The following ATP6V1B1 variants were observed in gnomAD, a reference collection of about 807,000 sequenced individuals.
ATP6V1B1 encodes ATPase H+ transporting V1 subunit B1, also known as V-type proton ATPase subunit B, kidney isoform.
A neutral mutation model predicts 62.1 loss-of-function variants in ATP6V1B1; 41 were observed. The ratio of observed to expected loss-of-function variants is 0.66; its 90% CI spans 0.51 to 0.86. The LOEUF is 0.86. Among genes scored for constraint, ATP6V1B1 ranks in the 40% least tolerant of loss-of-function variants. The pLI, the probability that ATP6V1B1 is intolerant of heterozygous loss-of-function variation, is 0.00. For synonymous variants in ATP6V1B1, 253 were observed against 273.4 expected (o/e 0.93, Z 0.74); for missense variants, 651 against 697.5 (o/e 0.93, Z 0.75).
intron 1 of ATP6V1B1, among the ~76,000 whole-genome samples, chr2:70,936,361 C>T (rs908663164): frequency 1.3e-5 from 2 of 152,154 alleles, no homozygotes; most frequent in Non-Finnish European, 2.9e-5. Context: ...CCAGAGATAG[C>T]TTCCAGTTGC....
In ATP6V1B1 at chr2:70,935,949, T is replaced by C; in HGVS notation, c.-6T>C. 1.2e-6 allele frequency: 2 copies of C among 1,610,118 alleles called. No individual in the cohort carries two copies. Among genetic ancestry groups the C allele is most frequent in the Non-Finnish European group, 1.7e-6 (2 of 1,177,146 alleles). Reference sequence around the variant, plus strand: ...AGACACTGGGCTCCCAGCTGGGGACTGCTCCATGGCCATGGAGATAGACAG... The same window carrying C: ...AGACACTGGGCTCCCAGCTGGGGACCGCTCCATGGCCATGGAGATAGACAG... On this transcript the variant is annotated 5_prime_UTR_variant, in exon 1 of 14. Transcript: ENST00000234396.
chr2:70,962,387 G>C (rs530487514), intron 8 of ATP6V1B1, among the ~76,000 whole-genome samples: 3 of 152,268 alleles, frequency 2.0e-5, no homozygotes, highest in African/African-American at 7.2e-5. Context: ...GGGTGCCCTA[G>C]GATAAGACAG....
chr2:70,942,298 C>T, intron 1 of ATP6V1B1: 1 of 398,928 alleles, frequency 2.5e-6, no homozygotes, highest in East Asian at 3.6e-5. Context: ...CCTGCTCTGG[C>T]AAAGTGCAAG....
At chr2:70,964,303 TAA>T (rs1680661956) in intron 11 of ATP6V1B1, 133 bp from the exon 12 acceptor site, 10 of 853,692 alleles carry the variant, frequency 1.2e-5, no homozygotes. Flanking sequence ...TTGTGGGAGA[TAA>T]GAGAGGGTGG....
intron 2 of ATP6V1B1, among the ~76,000 whole-genome samples, chr2:70,945,699 G>GATAC (rs1450719874): frequency 1.4e-5 from 1 of 70,100 alleles, no homozygotes; most frequent in Non-Finnish European, 2.8e-5. Context: ...GCTATTTGAA[G>GATAC]AGATATATAT....
intron 2 of ATP6V1B1, 137 bp downstream of exon 2, chr2:70,943,850 C>G (rs1680076490): frequency 3.9e-6 from 5 of 1,296,628 alleles, no homozygotes; most frequent in Non-Finnish European, 5.4e-6. Flanking sequence ...ATCCAGGCAC[C>G]CACTCCCACT....
intron 2 of ATP6V1B1, among the ~76,000 whole-genome samples, chr2:70,950,144 A>G (rs1381041393): frequency 6.6e-6 from 1 of 152,132 alleles, no homozygotes; most frequent in Non-Finnish European, 1.5e-5. Context: ...TAATAGTCCT[A>G]TAAAATCTGG....
At position 70,960,616 on chromosome 2, in the gene ATP6V1B1, TAGCGCCCCC is replaced by T. The variant is rs1248401340; in HGVS notation, c.586-301_586-293del. Among the ~76,000 whole-genome samples the T allele has an allele frequency of 9.2e-5, 14 of 152,150 alleles. No homozygotes were observed. The East Asian group carries it at 1.9e-3, about 21-fold the overall frequency. ...GGCCCAGGGCAACTCTGTGTCCAAA[TAGCGCCCCC>T]AGCAGGCTGTGGAGGGGTATGGAGC... On this transcript the variant is annotated intron_variant, in intron 6 of 13. Transcript: ENST00000234396.
At chr2:70,952,323 C>T (rs184999967) in intron 2 of ATP6V1B1, among the ~76,000 whole-genome samples, 17 of 151,986 alleles carry the variant, frequency 1.1e-4, no homozygotes, top group Non-Finnish European at 2.1e-4. Context: ...ATCAGCCGGG[C>T]GTGATGGCGC....
rs1282920080 is a variant in ATP6V1B1 at position 70,959,778 on chromosome 2, A to G, written c.446-161A>G. Among the ~76,000 whole-genome samples, 1 of 152,232 alleles carries G rather than the reference A, an allele frequency of 6.6e-6. No homozygotes were observed. Among genetic ancestry groups the G allele is most frequent in the African/African-American group, 2.4e-5 (1 of 41,464 alleles). ...GTCACACGTCATGTGCTCAATAGCC[A>G]TTTGTATCTAGGGCTACATCAGGCA... On this transcript the variant is annotated intron_variant, in intron 5 of 13. Transcript: ENST00000234396. The surrounding 1 kb of genome is among the most constrained non-coding windows in gnomAD (Gnocchi z 4.2).
intron 1 of ATP6V1B1, among the ~76,000 whole-genome samples, chr2:70,937,841 C>A (rs1679896321): frequency 1.3e-5 from 2 of 152,146 alleles, no homozygotes; most frequent in Non-Finnish European, 2.9e-5. Context: ...CCACCTCCAG[C>A]CAGCTCTTTC....
chr2:70,952,012 C>A (rs1680333471), intron 2 of ATP6V1B1, among the ~76,000 whole-genome samples: 1 of 151,998 alleles, frequency 6.6e-6, no homozygotes, highest in Admixed American at 6.5e-5. Context: ...TGTTAGGTAA[C>A]AATTATAATA....
intron 2 of ATP6V1B1, among the ~76,000 whole-genome samples, chr2:70,949,480 A>G (rs1553417948): frequency 1.1e-4 from 17 of 152,160 alleles, no homozygotes; most frequent in Non-Finnish European, 2.9e-5. Flanking sequence ...CAAATTAGAT[A>G]TTGACAATTT....
At position 70,953,038 on chromosome 2, in the gene ATP6V1B1, C is replaced by T. The variant is rs561123284; in HGVS notation, c.175-5008C>T. On this transcript the variant is annotated intron_variant, in intron 2 of 13. Transcript: ENST00000234396. Reference sequence around the variant, plus strand: ...ACCCAGTGCAGTGGTGCAATCTCAGCTCACTGCAACCTCTGCCTCCTGGGT... The same window carrying T: ...ACCCAGTGCAGTGGTGCAATCTCAGTTCACTGCAACCTCTGCCTCCTGGGT... Among the ~76,000 whole-genome samples, 68 of 152,350 alleles carry T rather than the reference C, an allele frequency of 4.5e-4. 1 individual carries two copies. The highest frequency in any genetic ancestry group is 1.6e-3 in the African/African-American group (68 of 41,570).
intron 1 of ATP6V1B1, chr2:70,940,766 T>C (rs1572906093): frequency 2.0e-6 from 2 of 985,498 alleles, no homozygotes; most frequent in Non-Finnish European, 2.4e-6. Context: ...CTCATTTGGT[T>C]TGGAGGCTTG....
rs1553420703 is a variant in ATP6V1B1 at position 70,964,547 on chromosome 2, G to A, written c.1248+5G>A. The A allele has an allele frequency of 3.7e-6, 6 of 1,613,920 alleles. No individual in the cohort carries two copies. The highest frequency in any genetic ancestry group is 5.1e-6 in the Non-Finnish European group (6 of 1,179,818). On this transcript the variant is annotated splice_donor_5th_base_variant and intron_variant, in intron 12 of 13. Coordinates refer to ENST00000234396, the MANE Select transcript of ATP6V1B1 (RefSeq NM_001692.4). Reference sequence around the variant, plus strand: ...GGAGATGTCTCCAACCAGCTGGTAAGGAGAAGAGGGTCCGGGGGCTGGTAG... The same window carrying A: ...GGAGATGTCTCCAACCAGCTGGTAAAGAGAAGAGGGTCCGGGGGCTGGTAG...
At chr2:70,961,086 C>A (rs1358055838) in intron 7 of ATP6V1B1, 64 bp downstream of exon 7, 5 of 1,499,230 alleles carry the variant, frequency 3.3e-6, no homozygotes, top group Non-Finnish European at 4.5e-6. Flanking sequence ...TCTCCCTCAG[C>A]CCCTGGCATG....
At chr2:70,942,620 C>T (rs1487950929) in intron 1 of ATP6V1B1, among the ~76,000 whole-genome samples, 1 of 152,206 alleles carries the variant, frequency 6.6e-6, no homozygotes, top group Non-Finnish European at 1.5e-5. Flanking sequence ...GGGTTCCCAG[C>T]CCCAGCTCTG....
At chr2:70,964,354 G>A in intron 11 of ATP6V1B1, 84 bp from the exon 12 acceptor site, 1 of 1,384,026 alleles carries the variant, frequency 7.2e-7, no homozygotes, top group Non-Finnish European at 1.0e-6. Flanking sequence ...GATAAGTGAG[G>A]AGCTTCTCCT....
Sources: gnomAD v4.1 joint callset for allele counts (sites outside exome capture counted in the v4.1 genomes callset) on GRCh38, gnomAD v4.1.1 for gene constraint, Gnocchi (gnomAD v3.1) non-coding constraint, MANE v1.5 for transcripts, NCBI Gene and HGNC (gene_info 2026-07-23, HGNC 2026-07-21) for gene names.